The following PDE11A variants were observed in gnomAD, a reference collection of about 807,000 sequenced individuals.
PDE11A encodes the protein dual 3',5'-cyclic-AMP and -GMP phosphodiesterase 11A.
In PDE11A, 100 loss-of-function variants were observed where a neutral mutation model predicts 100.5. The observed-to-expected ratio is 1.00, with a 90% CI of 0.85 to 1.18. PDE11A has a LOEUF of 1.18. Among genes scored for constraint, PDE11A ranks in the 50% most tolerant of loss-of-function variants. PDE11A has a pLI of 0.00. For missense variants in PDE11A, 1,141 were observed against 1,152.6 expected (o/e 0.99, Z 0.15); for synonymous variants, 381 against 420.8 (o/e 0.91, Z 1.16).
chr2:177,649,053 T>C (rs904761671), intron 19 of PDE11A, among the ~76,000 whole-genome samples: 1 of 152,154 alleles, frequency 6.6e-6, no homozygotes, highest in Non-Finnish European at 1.5e-5. Flanking sequence ...TGGAAAATGC[T>C]AATTGAAACT....
chr2:178,066,996 T>A (rs1396866381), intron 1 of PDE11A, among the ~76,000 whole-genome samples: 2 of 152,172 alleles, frequency 1.3e-5, no homozygotes, highest in African/African-American at 4.8e-5. Context: ...TCTTTCCCCT[T>A]AACCCAGCTT....
Position 177,840,269 on chromosome 2 carries a change from A to C in PDE11A, c.1482T>G (p.Asp494Glu). The change falls in exon 6 of 20, where the codon GAT becomes GAG. Residue 494 changes from aspartate to glutamate, a missense_variant. By Grantham distance (45) the Asp-to-Glu change is conservative (BLOSUM62 2). Coordinates refer to ENST00000286063, the MANE Select transcript of PDE11A (RefSeq NM_016953.4). ...CTCTTACCTCTGCATCAAAGCGCGGATCCTGGTAGGCATCACTGATGTTCA... is the reference window on the plus strand; with the variant it reads ...CTCTTACCTCTGCATCAAAGCGCGGCTCCTGGTAGGCATCACTGATGTTCA... ...LPVNISDAYQ[D>E]PRFDAEADQI... 1 of 1,614,160 alleles carries C rather than the reference A, an allele frequency of 6.2e-7. No individual in the cohort carries two copies. Among genetic ancestry groups the C allele is most frequent in the Non-Finnish European group, 8.5e-7 (1 of 1,180,016 alleles).
At chr2:178,075,293 C>T (rs2087193580), upstream of PDE11A, among the ~76,000 whole-genome samples, 1 of 152,138 alleles carries the variant, frequency 6.6e-6, no homozygotes, top group African/African-American at 2.4e-5. Flanking sequence ...TGGCTCATGC[C>T]TGTCATCCCA....
intron 2 of PDE11A, among the ~76,000 whole-genome samples, chr2:178,099,389 G>C (rs1214934123): frequency 7.1e-6 from 1 of 141,122 alleles, no homozygotes; most frequent in Non-Finnish European, 1.5e-5. Context: ...AGTGAGCCGA[G>C]ATCACAACAC....
At chr2:177,969,016 C>T (rs752296777) in intron 2 of PDE11A, among the ~76,000 whole-genome samples, 2 of 152,158 alleles carry the variant, frequency 1.3e-5, no homozygotes, top group African/African-American at 2.4e-5. Flanking sequence ...TTGGAACCAA[C>T]CCAAATGTCC....
chr2:177,749,742 A>T (rs1243574402), intron 10 of PDE11A, among the ~76,000 whole-genome samples: 1 of 152,216 alleles, frequency 6.6e-6, no homozygotes, highest in Non-Finnish European at 1.5e-5. Flanking sequence ...TATTATTTTC[A>T]TTATACCTAA....
intron 18 of PDE11A, 112 bp from the exon 19 acceptor site, chr2:177,664,061 G>A (rs13025904): frequency 0.86 from 606,480 of 708,900 alleles, 261,142 homozygotes; most frequent in East Asian, 0.99. Flanking sequence ...TGAACCCTTC[G>A]CAAATCACAA....
At chr2:178,019,206 A>G (rs1253782772) in intron 1 of PDE11A, among the ~76,000 whole-genome samples, 1 of 152,228 alleles carries the variant, frequency 6.6e-6, no homozygotes, top group Non-Finnish European at 1.5e-5. Context: ...GGAAACATTA[A>G]AATTAGAAAA....
intron 19 of PDE11A, among the ~76,000 whole-genome samples, chr2:177,638,039 AC>A (rs2080076456): frequency 7.7e-6 from 1 of 129,608 alleles, no homozygotes; most frequent in African/African-American, 3.0e-5. Context: ...TCGCTCTGTC[AC>A]CCAGGCTGGA....
intron 9 of PDE11A, among the ~76,000 whole-genome samples, chr2:177,771,704 T>TA (rs2082312561): frequency 6.6e-6 from 1 of 152,170 alleles, no homozygotes; most frequent in South Asian, 2.1e-4. Context: ...AATTCATAGG[T>TA]ATATTTAAAA....
At chr2:178,100,439 G>C (rs928129044) in intron 2 of PDE11A, among the ~76,000 whole-genome samples, 1 of 152,130 alleles carries the variant, frequency 6.6e-6, no homozygotes, top group East Asian at 1.9e-4. Flanking sequence ...GGTTGACAGT[G>C]CACCACAATT....
intron 10 of PDE11A, among the ~76,000 whole-genome samples, chr2:177,747,432 T>C (rs2081964986): frequency 6.6e-6 from 1 of 152,208 alleles, no homozygotes; most frequent in African/African-American, 2.4e-5. Flanking sequence ...GCACCTCAAG[T>C]CACACACTTC....
At chr2:177,643,956 G>C (rs1046441174) in intron 19 of PDE11A, among the ~76,000 whole-genome samples, 20 of 152,262 alleles carry the variant, frequency 1.3e-4, no homozygotes, top group Non-Finnish European at 2.4e-4. Context: ...CAGAAGTCAA[G>C]AATTGAGGTT....
chr2:178,029,197 G>A (rs1315253864), intron 1 of PDE11A, among the ~76,000 whole-genome samples: 5 of 152,136 alleles, frequency 3.3e-5, no homozygotes. Context: ...TTCCATGATT[G>A]ACATGAAAAG....
chr2:177,970,060 T>A (rs2085750770), intron 2 of PDE11A, among the ~76,000 whole-genome samples: 2 of 152,154 alleles, frequency 1.3e-5, no homozygotes, highest in South Asian at 4.1e-4. Flanking sequence ...TAAGCAAAGA[T>A]AACAAGCTGG....
intron 10 of PDE11A, among the ~76,000 whole-genome samples, chr2:177,765,833 C>T (rs1335589117): frequency 6.6e-6 from 1 of 152,212 alleles, no homozygotes. Flanking sequence ...ACTCAGAAGG[C>T]CTGTTAGTCT....
At chr2:177,994,529 C>T (rs1270927589) in intron 2 of PDE11A, among the ~76,000 whole-genome samples, 1 of 152,192 alleles carries the variant, frequency 6.6e-6, no homozygotes, top group African/African-American at 2.4e-5. Flanking sequence ...ATGGCTGCGA[C>T]CCTGTACTTC....
chr2:177,894,165 G>C (rs1459939975), intron 4 of PDE11A, among the ~76,000 whole-genome samples: 1 of 152,126 alleles, frequency 6.6e-6, no homozygotes, highest in Non-Finnish European at 1.5e-5. Context: ...TGTACAACTT[G>C]GGTGGTGCAC....
At chr2:177,658,621 A>T (rs2080427524) in intron 19 of PDE11A, among the ~76,000 whole-genome samples, 1 of 152,010 alleles carries the variant, frequency 6.6e-6, no homozygotes, top group Non-Finnish European at 1.5e-5. Flanking sequence ...TGTAAGGACA[A>T]GTAAGAAACT....
Sources: gnomAD v4.1 joint callset for allele counts (sites outside exome capture counted in the v4.1 genomes callset) on GRCh38, gnomAD v4.1.1 for gene constraint, MANE v1.5 for transcripts, NCBI Gene and HGNC (gene_info 2026-07-23, HGNC 2026-07-21) for gene names.